The following INSL6 variants were observed in gnomAD, a reference collection of about 807,000 sequenced individuals.
INSL6 encodes the protein insulin like 6.
A neutral mutation model predicts 9.4 loss-of-function variants in INSL6; 16 were observed. That is an observed-to-expected ratio of 1.70 (90% CI 1.15 to 2.59). The LOEUF is 2.59. INSL6 is among the 30% of genes most tolerant of loss of function. INSL6 has a pLI of 0.00. For synonymous variants in INSL6, 154 were observed against 96.9 expected, an observed-to-expected ratio of 1.59 and a Z score of -3.46; for missense variants, 391 against 257.3, an observed-to-expected ratio of 1.52 and a Z score of -3.56.
chr9:5,064,525 CAAA>C, the INSL6 span, among the ~76,000 whole-genome samples: 2 of 84,676 alleles, frequency 2.4e-5, no homozygotes, highest in Non-Finnish European at 2.6e-5. Flanking sequence ...GCAAGACTCT[CAAA>C]AAAAAAAAAA....
chr9:5,073,833 T>G, the INSL6 span: 2 of 1,224,600 alleles, frequency 1.6e-6, no homozygotes, highest in Non-Finnish European at 2.4e-6. Flanking sequence ...AGCATCTGTT[T>G]TTGTTTATAT....
At chr9:5,041,023 G>T in the INSL6 span, 1 of 669,302 alleles carries the variant, frequency 1.5e-6, no homozygotes. Context: ...GCTGCACCTG[G>T]GTACCGGTTC....
At chr9:5,096,974 T>A in the INSL6 span, 2 of 152,210 alleles carry the variant, frequency 1.3e-5, no homozygotes, top group Admixed American at 6.5e-5. Context: ...ATGAGCTTTT[T>A]ACTTCTCCCC....
intron 2 of INSL6, among the ~76,000 whole-genome samples, chr9:5,134,969 C>G (rs1024906678): frequency 3.3e-5 from 5 of 151,906 alleles, no homozygotes; most frequent in Non-Finnish European, 5.9e-5. Context: ...CACATAGGCT[C>G]AAAATAAAGG....
At position 5,172,397 on chromosome 9, in the gene INSL6, T is replaced by C. The variant is rs10974988; in HGVS notation, c.290-8132A>G. Among the ~76,000 whole-genome samples, 351 of 152,330 alleles carry C rather than the reference T, an allele frequency of 2.3e-3. 2 individuals carry two copies. Among genetic ancestry groups the C allele is most frequent in the African/African-American group, 8.1e-3 (335 of 41,580 alleles). ...GGCAATGCTATTCACAACATAGGTA[T>C]GGGCAAAGATTTCAGGACAAAATCA... On this transcript the variant is annotated intron_variant, in intron 1 of 1. Transcript: ENST00000381641.
In INSL6 at chr9:5,164,269, T is replaced by C. The variant is rs538327139; in HGVS notation, c.290-4A>G. 5 of 1,568,676 alleles carry C rather than the reference T, an allele frequency of 3.2e-6. No individual in the cohort carries two copies. The South Asian group carries it at 4.6e-5, about 14-fold the overall frequency. ...GCTTCTTCCCAAGAAGTAGACACTG[T>C]TGAGAGAGAAGAAAATAAATGCTCC... On this transcript the variant is annotated splice_region_variant and splice_polypyrimidine_tract_variant and intron_variant, in intron 1 of 1. Coordinates refer to ENST00000381641, the MANE Select transcript of INSL6 (RefSeq NM_007179.3).
chr9:5,035,705 AAATT>A, the INSL6 span, among the ~76,000 whole-genome samples: 2 of 152,222 alleles, frequency 1.3e-5, no homozygotes, highest in Non-Finnish European at 2.9e-5. Context: ...AACTCTCAAT[AAATT>A]AGGTATTGAT....
chr9:5,140,784 A>T (rs1824481561), intron 2 of INSL6, among the ~76,000 whole-genome samples: 1 of 151,934 alleles, frequency 6.6e-6, no homozygotes, highest in Non-Finnish European at 1.5e-5. Flanking sequence ...AACTTGTGCC[A>T]TGGGGGTTTG....
At chr9:5,056,636 A>AC in the INSL6 span, among the ~76,000 whole-genome samples, 1 of 151,996 alleles carries the variant, frequency 6.6e-6, no homozygotes, top group Non-Finnish European at 1.5e-5. Flanking sequence ...GTGTGTTTGT[A>AC]CCCCCTACAC....
the INSL6 span, among the ~76,000 whole-genome samples, chr9:5,062,500 T>TAAAAAAAAAAAAAAAAAAAAAAAAAAAAA: frequency 5.2e-5 from 3 of 58,246 alleles, no homozygotes; most frequent in African/African-American, 3.1e-4. Flanking sequence ...CTTCCATTTG[T>TAAAAAAAAAAAAAAAAAAAAAAAAAAAAA]AAAAAAAAAA....
the INSL6 span, among the ~76,000 whole-genome samples, chr9:5,082,307 A>C: frequency 6.6e-6 from 1 of 152,184 alleles, no homozygotes; most frequent in African/African-American, 2.4e-5. Flanking sequence ...GAGGAAAGGA[A>C]TCTGTGTCAC....
chr9:5,086,182 G>C, the INSL6 span: 3 of 483,284 alleles, frequency 6.2e-6, no homozygotes, highest in Non-Finnish European at 8.5e-6. Context: ...CCGGTCTCCA[G>C]CAACAGCCGC....
chr9:5,054,954 T>A, the INSL6 span: 1 of 1,192,682 alleles, frequency 8.4e-7, no homozygotes, highest in Non-Finnish European at 1.2e-6. This position sits in a 1 kb window ranked among gnomAD's most constrained non-coding sequence, Gnocchi z 4.9. Flanking sequence ...AAAGTAATTT[T>A]AATCATTTGC....
chr9:5,070,882 G>A, the INSL6 span, among the ~76,000 whole-genome samples: 1 of 152,132 alleles, frequency 6.6e-6, no homozygotes, highest in Admixed American at 6.6e-5. Flanking sequence ...AAAAGGGCCA[G>A]GTCTCAGACC....
the INSL6 span, among the ~76,000 whole-genome samples, chr9:5,023,174 A>C: frequency 2.0e-5 from 3 of 152,026 alleles, no homozygotes; most frequent in African/African-American, 7.2e-5. Context: ...CACCCATATA[A>C]CCTTGCCAGT....
the INSL6 span, among the ~76,000 whole-genome samples, chr9:5,059,296 T>C: frequency 6.6e-6 from 1 of 152,228 alleles, no homozygotes; most frequent in East Asian, 1.9e-4. Flanking sequence ...TTAATAAAGG[T>C]TGTATAAATG....
chr9:5,124,293 T>G (rs1311568423), exon 4 of INSL6, among the ~76,000 whole-genome samples: 4 of 151,750 alleles, frequency 2.6e-5, no homozygotes, highest in African/African-American at 9.7e-5. Flanking sequence ...TTACACTCAT[T>G]TCCATTAAAG....
At chr9:5,006,435 ATTT>A in the INSL6 span, among the ~76,000 whole-genome samples, 1 of 152,162 alleles carries the variant, frequency 6.6e-6, no homozygotes, top group Non-Finnish European at 1.5e-5. Flanking sequence ...GGTATATTCA[ATTT>A]TTAAATTACT....
the INSL6 span, among the ~76,000 whole-genome samples, chr9:5,045,346 C>A: frequency 6.6e-6 from 1 of 152,054 alleles, no homozygotes; most frequent in African/African-American, 2.4e-5. Flanking sequence ...AGTTTATGAA[C>A]AACAAAAGGA....
Sources: allele counts gnomAD v4.1 joint callset (sites outside exome capture counted in the v4.1 genomes callset), GRCh38; gene constraint gnomAD v4.1.1; non-coding constraint Gnocchi (gnomAD v3.1); transcripts MANE v1.5; gene names NCBI Gene and HGNC (gene_info 2026-07-23, HGNC 2026-07-21).